DDX46: variants seen among roughly 807,000 people sequenced by gnomAD.
DDX46 encodes the protein probable ATP-dependent RNA helicase DDX46.
A neutral mutation model predicts 134.9 loss-of-function variants in DDX46; 30 were observed. The ratio of observed to expected loss-of-function variants is 0.22; its 90% CI spans 0.17 to 0.30. DDX46 has a LOEUF of 0.30. DDX46 is among the 10% of genes least tolerant of loss of function. The pLI is 1.00. For synonymous variants in DDX46, 415 were observed against 404.1 expected (o/e 1.03, Z -0.32); for missense variants, 622 against 1,248.7 (o/e 0.50, Z 7.56).
chr5:134,818,500 G>A (rs931340847), intron 20 of DDX46, among the ~76,000 whole-genome samples: 73 of 148,410 alleles, frequency 4.9e-4, no homozygotes, highest in African/African-American at 1.7e-3. Context: ...TCGGGAGGTC[G>A]AGACCAGCCT....
Position 134,782,994 on chromosome 5 carries a change from A to G in DDX46, c.1095A>G (p.Lys365=). The part of the protein sequence containing the change: ...LEMEGITVKG[K]GCPKPIKSWV... Reference sequence around the variant, plus strand: ...TGGAGGGCATTACAGTTAAAGGAAAAGGTTGCCCCAAACCAATTAAATCCT... The same window carrying G: ...TGGAGGGCATTACAGTTAAAGGAAAGGGTTGCCCCAAACCAATTAAATCCT... Residue 365 remains lysine, a synonymous_variant, in exon 9 of 23, where the codon AAA becomes AAG. Transcript: ENST00000452510. The G allele has an allele frequency of 6.2e-7, 1 of 1,613,756 alleles. No homozygotes were observed. Among genetic ancestry groups the G allele is most frequent in the Non-Finnish European group, 8.5e-7 (1 of 1,179,756 alleles).
intron 6 of DDX46, among the ~76,000 whole-genome samples, chr5:134,780,564 CAATAAATAAATAAATAAATAAATA>C (rs10655595): frequency 7.0e-6 from 1 of 142,308 alleles, no homozygotes; most frequent in Non-Finnish European, 1.5e-5. Context: ...AACTTTATCT[CAATAAATAAATAAATAAATAAATA>C]AATAAATAAA....
intron 18 of DDX46, among the ~76,000 whole-genome samples, chr5:134,815,543 T>TA (rs545066950): frequency 0.01 from 1,548 of 151,470 alleles, 24 homozygotes; most frequent in African/African-American, 0.036. Flanking sequence ...CCATCTCAAC[T>TA]AAAAATACAA....
chr5:134,767,785 T>C (rs1273616310), intron 3 of DDX46, among the ~76,000 whole-genome samples: 2 of 151,658 alleles, frequency 1.3e-5, no homozygotes, highest in African/African-American at 4.8e-5. Context: ...ACCCCGTCTC[T>C]ACTAAAAATA....
At position 134,818,769 on chromosome 5, in the gene DDX46, A is replaced by G. The variant is rs1755360228; in HGVS notation, c.2833-91A>G. On this transcript the variant is annotated intron_variant, in intron 20 of 22. Transcript: ENST00000452510. ...GAGAGAGAGAGAGACCAACCATAAT[A>G]TGATATCAGCCAGCCTAGTCTTTGT... The G allele has an allele frequency of 1.1e-5, 12 of 1,067,500 alleles. No homozygotes were observed. In the South Asian group the frequency reaches 2.1e-4, roughly 19 times the overall value. 66.1% of individuals were successfully genotyped at this position (1,067,500 alleles called of 1,614,324 possible).
At chr5:134,780,098 ATGTGTGTGTGTGTGTG>A (rs71583216) in intron 6 of DDX46, among the ~76,000 whole-genome samples, 9 of 139,578 alleles carry the variant, frequency 6.4e-5, no homozygotes, top group South Asian at 4.5e-4. Context: ...AAAAAAATAT[ATGTGTGTGTGTGTGTG>A]TGTGTGTGTG....
rs1755670337 is a variant in DDX46, at chr5:134,829,182, T to C, written c.*476T>C. ...ATATGAACTGGATTTAAGAATGTTA[T>C]AATAGAAGTCTTACAAAATGGGTTG... On this transcript the variant is annotated 3_prime_UTR_variant, in exon 23 of 23. Transcript: ENST00000452510. The C allele has an allele frequency of 1.3e-5, 2 of 152,288 alleles. No individual in the cohort carries two copies. The highest frequency in any genetic ancestry group is 2.9e-5 in the Non-Finnish European group (2 of 68,064). The allele number at this position is 152,288 out of a possible 1,614,324, so 9.4% of individuals were successfully genotyped here.
At chr5:134,783,977 G>A (rs74836379) in intron 9 of DDX46, among the ~76,000 whole-genome samples, 3,260 of 151,046 alleles carry the variant, frequency 0.022, 100 homozygotes, top group African/African-American at 0.075. Flanking sequence ...GAACCACTGC[G>A]CCCTGCCTAA....
At chr5:134,790,986 G>A (rs1022612108) in intron 13 of DDX46, among the ~76,000 whole-genome samples, 11 of 101,050 alleles carry the variant, frequency 1.1e-4, no homozygotes, top group East Asian at 5.0e-4. Flanking sequence ...CACCACGCCC[G>A]GTTAACTTTT....
chr5:134,784,390 C>T lies in DDX46; in HGVS notation c.1191C>T (p.Pro397=), dbSNP rs767436320. The change falls in exon 10 of 23, where the codon CCC becomes CCT. Residue 397 remains proline (P), a synonymous_variant. Transcript: ENST00000452510. The part of the protein sequence containing the change: ...LKKHGYEKPT[P]IQTQAIPAIM... ...GGCATGGCTATGAAAAGCCCACGCC[C>T]ATCCAAACCCAAGCTATTCCTGCTA... 6.2e-7 allele frequency: 1 copy of T among 1,611,212 alleles called. No individual in the cohort carries two copies. Among genetic ancestry groups the T allele is most frequent in the Admixed American group, 1.7e-5 (1 of 59,148 alleles).
At chr5:134,792,473 CTGTT>C (rs922056999) in intron 13 of DDX46, among the ~76,000 whole-genome samples, 6 of 152,084 alleles carry the variant, frequency 3.9e-5, no homozygotes, top group Admixed American at 6.6e-5. Flanking sequence ...GTCAAGGGGT[CTGTT>C]TGTTGTGGTA....
chr5:134,767,962 AC>A (rs1309757316), intron 3 of DDX46, among the ~76,000 whole-genome samples: 3 of 151,732 alleles, frequency 2.0e-5, no homozygotes, highest in African/African-American at 7.3e-5. Context: ...AAAAAAAAAA[AC>A]AAAAAAAAGT....
chr5:134,789,315 A>G (rs1463928239), intron 12 of DDX46: 1 of 152,228 alleles, frequency 6.6e-6, no homozygotes, highest in Non-Finnish European at 1.5e-5. Context: ...TGGGGCTACA[A>G]ATGCTAGTGT....
intron 18 of DDX46, among the ~76,000 whole-genome samples, chr5:134,813,229 C>T (rs1426153449): frequency 6.6e-6 from 1 of 152,222 alleles, no homozygotes; most frequent in East Asian, 1.9e-4. Context: ...AGGCGTGAGC[C>T]ACCACGCCCG....
intron 8 of DDX46, among the ~76,000 whole-genome samples, chr5:134,782,477 T>TA (rs57364481): frequency 0.046 from 6,968 of 151,292 alleles, 373 homozygotes; most frequent in African/African-American, 0.14. Context: ...CCATCTCTAC[T>TA]AAAAAAATAC....
intron 16 of DDX46, among the ~76,000 whole-genome samples, chr5:134,810,776 C>T (rs890966260): frequency 4.0e-5 from 6 of 151,092 alleles, no homozygotes; most frequent in African/African-American, 1.5e-4. Context: ...GAGGCCAAGG[C>T]GGGCGGATCA....
intron 22 of DDX46, among the ~76,000 whole-genome samples, chr5:134,828,365 G>A (rs775450321): frequency 2.0e-4 from 31 of 152,154 alleles, no homozygotes; most frequent in Admixed American, 2.6e-4. Context: ...AGGAGTGGTC[G>A]AAAAGAATCT....
intron 15 of DDX46, among the ~76,000 whole-genome samples, chr5:134,804,293 C>A (rs1754919021): frequency 6.6e-6 from 1 of 152,108 alleles, no homozygotes; most frequent in African/African-American, 2.4e-5. Context: ...TTCTCATTCT[C>A]TCTTCTCTCT....
At position 134,777,632 on chromosome 5, in the gene DDX46, G is replaced by C; in HGVS notation, c.672G>C (p.Glu224Asp). ...AGGGAAATGAAATGGAGGGTGAGGA[G>C]TTAGATCCATTAGATGCTTACATGG... ...EKEGNEMEGEELDPLDAYMEE... is the reference protein window; with the variant it reads ...EKEGNEMEGEDLDPLDAYMEE... The change falls in exon 6 of 23, where the codon GAG becomes GAC. Residue 224 changes from glutamate (E) to aspartate (D), a missense_variant. Around this residue, in one of 8 missense-constraint regions of DDX46, gnomAD observed 244 missense variants for 349.3 expected, o/e 0.70. Coordinates refer to ENST00000452510, the MANE Select transcript of DDX46 (RefSeq NM_001300860.2). 1 of 1,613,548 alleles carries C rather than the reference G, an allele frequency of 6.2e-7. No individual in the cohort carries two copies. Among genetic ancestry groups the C allele is most frequent in the Non-Finnish European group, 8.5e-7 (1 of 1,179,848 alleles).
Sources: gnomAD v4.1 joint callset for allele counts (sites outside exome capture counted in the v4.1 genomes callset) on GRCh38, gnomAD v4.1.1 for gene constraint, gnomAD v4.1.1 regional missense constraint, MANE v1.5 for transcripts, NCBI Gene and HGNC (gene_info 2026-07-23, HGNC 2026-07-21) for gene names.